The following CCDC122 variants were observed in gnomAD, a reference collection of about 807,000 sequenced individuals.
CCDC122 encodes the protein coiled-coil domain-containing protein 122.
Under a neutral mutation model 37.0 loss-of-function variants are expected in CCDC122, and 38 were observed. That is an observed-to-expected ratio of 1.03 (90% CI 0.79 to 1.35). CCDC122 has a LOEUF of 1.35. Ranked by LOEUF, CCDC122 falls within the 40% of genes most tolerant of loss-of-function variation. CCDC122 has a pLI of 0.00. For synonymous variants in CCDC122, 83 were observed against 95.6 expected (o/e 0.87, Z 0.77); for missense variants, 305 against 310.0 (o/e 0.98, Z 0.12).
chr13:43,868,810 T>C lies in CCDC122; in HGVS notation c.47-7A>G, dbSNP rs763834802. ...GAACTTGTGTCTTGGTTATCTACAATTAGACAAAAGAATAAAGTATATAAT... is the reference window on the plus strand; with the variant it reads ...GAACTTGTGTCTTGGTTATCTACAACTAGACAAAAGAATAAAGTATATAAT... On this transcript the variant is annotated splice_region_variant and splice_polypyrimidine_tract_variant and intron_variant, in intron 3 of 6. Transcript: ENST00000444614. The C allele has an allele frequency of 2.2e-6, 3 of 1,384,418 alleles. No homozygotes were observed. In the East Asian group the frequency reaches 7.7e-5, roughly 36 times the overall value. 85.8% of individuals were successfully genotyped at this position (1,384,418 alleles called of 1,614,324 possible).
chr13:43,863,387 A>G (rs1273937096), intron 4 of CCDC122, among the ~76,000 whole-genome samples: 1 of 152,212 alleles, frequency 6.6e-6, no homozygotes, highest in Non-Finnish European at 1.5e-5. Context: ...ATTCCGTTGT[A>G]TGGATATACC....
chr13:43,849,076 CATA>C (rs1953639670), intron 6 of CCDC122: 1 of 899,740 alleles, frequency 1.1e-6, no homozygotes, highest in African/African-American at 1.8e-5. Flanking sequence ...CCTTCAGCTT[CATA>C]ATTTGTTGTG....
At chr13:43,832,183 CAG>C (rs1380112879), downstream of CCDC122, among the ~76,000 whole-genome samples, 1 of 144,880 alleles carries the variant, frequency 6.9e-6, no homozygotes, top group African/African-American at 2.5e-5. Flanking sequence ...ATTAAAATAA[CAG>C]ATAACATGGG....
At chr13:43,859,365 C>A (rs1326829738) in intron 5 of CCDC122, among the ~76,000 whole-genome samples, 1 of 152,054 alleles carries the variant, frequency 6.6e-6, no homozygotes, top group Non-Finnish European at 1.5e-5. Flanking sequence ...AAGTCTTTAA[C>A]ATTTTTGTGA....
At chr13:43,865,394 G>A (rs2153877233) in intron 4 of CCDC122, among the ~76,000 whole-genome samples, 1 of 152,126 alleles carries the variant, frequency 6.6e-6, no homozygotes, top group East Asian at 1.9e-4. Context: ...CTTATCCAAG[G>A]GGAATATGTT....
intron 6 of CCDC122, among the ~76,000 whole-genome samples, chr13:43,845,716 C>CAAAAT (rs1378051145): frequency 5.3e-5 from 8 of 151,848 alleles, no homozygotes; most frequent in Non-Finnish European, 1.2e-4. Flanking sequence ...TCTCTAAAAA[C>CAAAAT]AAAACAAAAC....
intron 3 of CCDC122, among the ~76,000 whole-genome samples, chr13:43,827,232 C>T (rs1395939006): frequency 6.6e-6 from 1 of 152,148 alleles, no homozygotes; most frequent in African/African-American, 2.4e-5. Context: ...TCCAGAAAAG[C>T]ATTTTCAAAA....
intron 6 of CCDC122, among the ~76,000 whole-genome samples, chr13:43,843,740 T>C (rs778171014): frequency 3.3e-4 from 50 of 151,954 alleles, no homozygotes; most frequent in Non-Finnish European, 5.9e-4. Context: ...ATTTCATTGA[T>C]TCCTACCTCA....
intron 6 of CCDC122, among the ~76,000 whole-genome samples, chr13:43,846,264 G>A (rs1253219956): frequency 6.6e-6 from 1 of 152,104 alleles, no homozygotes; most frequent in Non-Finnish European, 1.5e-5. Context: ...TAGTAAGACA[G>A]GGTTTCAACA....
chr13:43,874,955 G>A (rs1407774163), intron 1 of CCDC122, 28 bp from the exon 2 acceptor site: 1 of 152,192 alleles, frequency 6.6e-6, no homozygotes, highest in Non-Finnish European at 1.5e-5. Context: ...CAGAGGGTTT[G>A]TACTGTTCCT....
At chr13:43,847,541 T>A (rs1953583694) in intron 6 of CCDC122, among the ~76,000 whole-genome samples, 2 of 152,226 alleles carry the variant, frequency 1.3e-5, no homozygotes, top group East Asian at 3.8e-4. Context: ...GTTATTTAAA[T>A]TTTCTAAAAC....
chr13:43,858,845 A>G lies in CCDC122; in HGVS notation c.608T>C (p.Ile203Thr), dbSNP rs370161144. Residue 203 changes from isoleucine to threonine, a missense_variant, in exon 6 of 7, where the codon ATT becomes ACT. By Grantham distance (89) the Ile-to-Thr change is moderately conservative. Coordinates refer to ENST00000444614, the MANE Select transcript of CCDC122 (RefSeq NM_144974.5). Reference protein sequence around the residue: ...DKIITVKESIIEKTCFLEEEK... With the variant: ...DKIITVKESITEKTCFLEEEK... The stretch of plus-strand genomic sequence containing the variant: ...TTCCTCAAGAAAACAAGTTTTTTCA[A>G]TGATAGATTCTTTTACAGTTATAAT... 30 of 1,424,354 alleles carry G rather than the reference A, an allele frequency of 2.1e-5. No individual in the cohort carries two copies. Among genetic ancestry groups the G allele is most frequent in the Non-Finnish European group, 2.7e-5 (29 of 1,056,242 alleles). The allele number at this position is 1,424,354 out of a possible 1,614,324, so 88.2% of individuals were successfully genotyped here.
At chr13:43,850,208 ATGGC>A (rs1439159900) in intron 6 of CCDC122, among the ~76,000 whole-genome samples, 1 of 152,178 alleles carries the variant, frequency 6.6e-6, no homozygotes, top group Non-Finnish European at 1.5e-5. Flanking sequence ...CTAGACCCCA[ATGGC>A]CACCTGGAAA....
chr13:43,840,791 C>T (rs1953325189), intron 6 of CCDC122, among the ~76,000 whole-genome samples: 1 of 148,704 alleles, frequency 6.7e-6, no homozygotes, highest in Non-Finnish European at 1.5e-5. Context: ...AATTGTTGGA[C>T]ATTTGGGTGG....
At chr13:43,845,239 C>A (rs1307101925) in intron 6 of CCDC122, among the ~76,000 whole-genome samples, 1 of 152,146 alleles carries the variant, frequency 6.6e-6, no homozygotes, top group Non-Finnish European at 1.5e-5. Context: ...AAGAACCTTA[C>A]AACAAAAGGC....
At chr13:43,873,931 T>C (rs1241116529) in intron 2 of CCDC122, among the ~76,000 whole-genome samples, 1 of 152,172 alleles carries the variant, frequency 6.6e-6, no homozygotes, top group African/African-American at 2.4e-5. Context: ...TGTCTAATTA[T>C]AGTCTATCTC....
chr13:43,827,763 C>G (rs533646266), intron 3 of CCDC122, among the ~76,000 whole-genome samples: 1 of 152,152 alleles, frequency 6.6e-6, no homozygotes, highest in Non-Finnish European at 1.5e-5. Flanking sequence ...GAACCCATCC[C>G]TCGTTTATAT....
At chr13:43,840,852 ATG>A (rs1318218572) in intron 6 of CCDC122, among the ~76,000 whole-genome samples, 1 of 151,840 alleles carries the variant, frequency 6.6e-6, no homozygotes, top group Non-Finnish European at 1.5e-5. Context: ...ATACATGTGC[ATG>A]TGTCTTTATA....
intron 4 of CCDC122, among the ~76,000 whole-genome samples, chr13:43,866,633 A>C (rs1016180498): frequency 6.6e-6 from 1 of 152,192 alleles, no homozygotes; most frequent in Non-Finnish European, 1.5e-5. Context: ...TGTTCAGCAT[A>C]CTGGTCTTGT....
Sources: allele counts gnomAD v4.1 joint callset (sites outside exome capture counted in the v4.1 genomes callset), GRCh38; gene constraint gnomAD v4.1.1; transcripts MANE v1.5; gene names NCBI Gene and HGNC (gene_info 2026-07-23, HGNC 2026-07-21).